AFG2A: variants seen among roughly 807,000 people sequenced by gnomAD.
AFG2A encodes the protein ATPase family gene 2 protein homolog A.
At chr4:123,038,389 C>T in the AFG2A span, among the ~76,000 whole-genome samples, 3 of 152,010 alleles carry the variant, frequency 2.0e-5, no homozygotes, top group Non-Finnish European at 4.4e-5. Flanking sequence ...TGTTTGACCT[C>T]AAATGGAGCA....
At chr4:122,985,748 G>T in the AFG2A span, among the ~76,000 whole-genome samples, 5 of 142,006 alleles carry the variant, frequency 3.5e-5, no homozygotes, top group Admixed American at 6.9e-5. Context: ...TTTATCTTTT[G>T]TATTTTTTTT....
At chr4:122,941,640 G>C in the AFG2A span, among the ~76,000 whole-genome samples, 102,228 of 140,604 alleles carry the variant, frequency 0.73, 36,159 homozygotes, top group East Asian at 0.89. Context: ...TCTCCTGCCT[G>C]ATTGCCCTGG....
At chr4:123,299,116 A>AGT in the AFG2A span, among the ~76,000 whole-genome samples, 4,080 of 72,198 alleles carry the variant, frequency 0.057, 77 homozygotes, top group Admixed American at 0.093. Flanking sequence ...TGCATCTGCC[A>AGT]ATGTGTGTGT....
the AFG2A span, among the ~76,000 whole-genome samples, chr4:123,286,011 A>T: frequency 6.6e-6 from 1 of 152,286 alleles, no homozygotes; most frequent in African/African-American, 2.4e-5. Flanking sequence ...TATGTCAGTT[A>T]CGTCACTGTA....
At chr4:123,102,308 A>G in the AFG2A span, 1 of 151,232 alleles carries the variant, frequency 6.6e-6, no homozygotes, top group Admixed American at 6.6e-5. Flanking sequence ...AAAAAAAAAA[A>G]AAAAGAAAAA....
the AFG2A span, among the ~76,000 whole-genome samples, chr4:123,189,546 A>G: frequency 4.6e-5 from 7 of 152,108 alleles, no homozygotes; most frequent in African/African-American, 1.7e-4. Flanking sequence ...CAAGTTTTTA[A>G]CCACAAGGTA....
At chr4:123,100,061 G>T in the AFG2A span, among the ~76,000 whole-genome samples, 1 of 151,780 alleles carries the variant, frequency 6.6e-6, no homozygotes, top group African/African-American at 2.4e-5. Flanking sequence ...AGGTCTAAAA[G>T]AAATTTGGTT....
At chr4:122,988,726 T>C in the AFG2A span, among the ~76,000 whole-genome samples, 1 of 152,132 alleles carries the variant, frequency 6.6e-6, no homozygotes, top group Non-Finnish European at 1.5e-5. Flanking sequence ...TTCTGCCCCT[T>C]TCTCTGCTTC....
At chr4:123,140,124 A>T in the AFG2A span, among the ~76,000 whole-genome samples, 1 of 152,096 alleles carries the variant, frequency 6.6e-6, no homozygotes, top group Non-Finnish European at 1.5e-5. Context: ...TCTTTCCTTC[A>T]ATCCTGATAT....
the AFG2A span, among the ~76,000 whole-genome samples, chr4:123,251,594 T>C: frequency 1.3e-5 from 2 of 152,144 alleles, no homozygotes; most frequent in South Asian, 4.1e-4. Flanking sequence ...AGCTACAGTA[T>C]GTGAAAGATG....
chr4:123,180,290 G>T, the AFG2A span, among the ~76,000 whole-genome samples: 1 of 152,070 alleles, frequency 6.6e-6, no homozygotes, highest in South Asian at 2.1e-4. Flanking sequence ...GCACATTTTA[G>T]AACAAAAGTG....
At chr4:123,044,546 A>G in the AFG2A span, among the ~76,000 whole-genome samples, 2 of 152,022 alleles carry the variant, frequency 1.3e-5, no homozygotes, top group African/African-American at 4.8e-5. Context: ...TGTGGCTCTG[A>G]CAAACTGTTT....
the AFG2A span, chr4:123,314,224 G>GT: frequency 2.1e-6 from 1 of 482,060 alleles, no homozygotes. Context: ...TTCAAGTCAT[G>GT]TAAGTACAGT....
At chr4:122,943,134 G>T in the AFG2A span, among the ~76,000 whole-genome samples, 1 of 152,194 alleles carries the variant, frequency 6.6e-6, no homozygotes, top group Non-Finnish European at 1.5e-5. Flanking sequence ...GGAGAGTTGT[G>T]TAGGTGTCTA....
the AFG2A span, among the ~76,000 whole-genome samples, chr4:123,196,582 A>G: frequency 6.6e-6 from 1 of 152,104 alleles, no homozygotes; most frequent in Non-Finnish European, 1.5e-5. Flanking sequence ...AAGGAATTTC[A>G]TATGGTGCAT....
the AFG2A span, among the ~76,000 whole-genome samples, chr4:123,291,278 C>G: frequency 6.6e-6 from 1 of 152,018 alleles, no homozygotes; most frequent in Non-Finnish European, 1.5e-5. Flanking sequence ...CAGTCAGTAT[C>G]TTTTAATTGG....
At chr4:122,951,028 T>C in the AFG2A span, among the ~76,000 whole-genome samples, 1 of 152,224 alleles carries the variant, frequency 6.6e-6, no homozygotes, top group Admixed American at 6.5e-5. Context: ...CTGTGGGGAC[T>C]CCCTTGAGGA....
the AFG2A span, among the ~76,000 whole-genome samples, chr4:123,067,550 A>G: frequency 6.6e-6 from 1 of 152,118 alleles, no homozygotes; most frequent in Non-Finnish European, 1.5e-5. Flanking sequence ...AAGAAAATGA[A>G]CAAATTTACA....
At chr4:123,069,267 C>T in the AFG2A span, among the ~76,000 whole-genome samples, 3 of 152,176 alleles carry the variant, frequency 2.0e-5, no homozygotes, top group African/African-American at 7.2e-5. Flanking sequence ...CCATGTTACT[C>T]TCTGCACAAA....
Sources: gnomAD v4.1 joint callset for allele counts (sites outside exome capture counted in the v4.1 genomes callset) on GRCh38, gnomAD v4.1.1 for gene constraint, MANE v1.5 for transcripts, NCBI Gene and HGNC (gene_info 2026-07-23, HGNC 2026-07-21) for gene names.